The following ZNF75D variants were observed in gnomAD, a reference collection of about 807,000 sequenced individuals.
ZNF75D encodes zinc finger protein 75.
A neutral mutation model predicts 33.3 loss-of-function variants in ZNF75D; 33 were observed. The ratio of observed to expected loss-of-function variants is 0.99; its 90% CI spans 0.75 to 1.32. ZNF75D has a LOEUF of 1.32. ZNF75D is among the 40% of genes most tolerant of loss of function. The pLI is 0.00. For missense variants in ZNF75D, 338 were observed against 367.5 expected, an observed-to-expected ratio of 0.92 and a Z score of 0.66; for synonymous variants, 113 against 130.6, an observed-to-expected ratio of 0.87 and a Z score of 0.92.
At chrX:135,310,073 C>T (rs2084341135) in intron 1 of ZNF75D, among the ~76,000 whole-genome samples, 1 of 112,188 alleles carries the variant, frequency 8.9e-6, no homozygotes, top group Non-Finnish European at 1.9e-5. Context: ...AATGCCTGTC[C>T]TAATGAAAAG....
chrX:135,283,252 C>T (rs2083927372), downstream of ZNF75D, among the ~76,000 whole-genome samples: 1 of 111,969 alleles, frequency 8.9e-6, no homozygotes, highest in Non-Finnish European at 1.9e-5. Context: ...TCCCTGGCTT[C>T]CTGTCCCTTC....
chrX:135,300,777 C>T (rs1055224413), intron 1 of ZNF75D, among the ~76,000 whole-genome samples: 1 of 109,168 alleles, frequency 9.2e-6, no homozygotes, highest in Non-Finnish European at 1.9e-5. Context: ...CACAATTTAT[C>T]CATTTAGAAA....
chrX:135,296,359 T>C (rs183556781), intron 1 of ZNF75D, among the ~76,000 whole-genome samples: 78 of 112,013 alleles, frequency 7.0e-4, no homozygotes, highest in African/African-American at 2.2e-3. Context: ...GTATTGTGCA[T>C]CCAGATTGTT....
intron 1 of ZNF75D, among the ~76,000 whole-genome samples, chrX:135,277,106 C>A (rs1410650791): frequency 8.9e-6 from 1 of 112,307 alleles, no homozygotes; most frequent in East Asian, 2.8e-4. Flanking sequence ...ACACTCCCAC[C>A]AACAGTGTAA....
chrX:135,284,719 C>T (rs782259419), downstream of ZNF75D, among the ~76,000 whole-genome samples: 1 of 111,703 alleles, frequency 9.0e-6, no homozygotes, highest in Admixed American at 9.5e-5. Flanking sequence ...GATAATGATG[C>T]CAGTGTAGAT....
At chrX:135,304,456 G>A (rs2084259448) in intron 1 of ZNF75D, among the ~76,000 whole-genome samples, 1 of 111,538 alleles carries the variant, frequency 9.0e-6, no homozygotes, top group African/African-American at 3.3e-5. Context: ...TGCAACTTGG[G>A]CCCCTGTAGC....
chrX:135,290,981 C>T, intron 6 of ZNF75D, 28 bp downstream of exon 6: 1 of 1,195,261 alleles, frequency 8.4e-7, no homozygotes. Context: ...TACTTAACTT[C>T]TACACAATGG....
chrX:135,268,927 A>T (rs2083872379), intron 1 of ZNF75D, among the ~76,000 whole-genome samples: 1 of 111,227 alleles, frequency 9.0e-6, no homozygotes, highest in South Asian at 3.8e-4. Context: ...AGAACAGGGA[A>T]CACAGAAGAA....
intron 1 of ZNF75D, among the ~76,000 whole-genome samples, chrX:135,332,083 G>A (rs1192402030): frequency 1.5e-4 from 17 of 111,079 alleles, no homozygotes; most frequent in African/African-American, 5.3e-4. Flanking sequence ...CAGTGGCTGC[G>A]AGGAGGAGAA....
intron 1 of ZNF75D, among the ~76,000 whole-genome samples, chrX:135,312,211 C>T (rs782742499): frequency 3.0e-4 from 34 of 111,527 alleles, no homozygotes; most frequent in African/African-American, 1.1e-3. Flanking sequence ...ATGAGATCAA[C>T]GTTTTTAGCT....
chrX:135,319,940 A>G (rs926089584), intron 1 of ZNF75D, among the ~76,000 whole-genome samples: 14 of 112,741 alleles, frequency 1.2e-4, no homozygotes, highest in African/African-American at 4.5e-4. Context: ...TGCAATTTCC[A>G]AACAGACATT....
At chrX:135,328,600 T>C (rs1057493440) in intron 1 of ZNF75D, among the ~76,000 whole-genome samples, 5 of 111,667 alleles carry the variant, frequency 4.5e-5, no homozygotes, top group South Asian at 3.8e-4. Context: ...GGGTGAGTAA[T>C]GTTCGTATTG....
At chrX:135,262,198 C>T (rs1022722576) in intron 1 of ZNF75D, among the ~76,000 whole-genome samples, 3 of 111,832 alleles carry the variant, frequency 2.7e-5, no homozygotes, top group East Asian at 2.8e-4. Context: ...GTGGGCAACC[C>T]GACCTTTCTC....
At chrX:135,271,940 T>A (rs1335129789) in intron 1 of ZNF75D, among the ~76,000 whole-genome samples, 1 of 111,328 alleles carries the variant, frequency 9.0e-6, no homozygotes, top group Non-Finnish European at 1.9e-5. Flanking sequence ...GTTGTTGTTT[T>A]GTTTTTAATC....
At chrX:135,318,379 TTCTC>T (rs1556432690) in intron 1 of ZNF75D, among the ~76,000 whole-genome samples, 1 of 110,546 alleles carries the variant, frequency 9.0e-6, no homozygotes, top group African/African-American at 3.3e-5. Context: ...TTCTTTTCCT[TTCTC>T]TACTAAGCCT....
At chrX:135,279,550 G>C (rs2083912422) in intron 1 of ZNF75D, among the ~76,000 whole-genome samples, 1 of 111,096 alleles carries the variant, frequency 9.0e-6, no homozygotes, top group South Asian at 3.7e-4. Context: ...GTTTGCTCTT[G>C]CTTCTCTAGT....
chrX:135,285,111 T>C (rs1287762525), downstream of ZNF75D, among the ~76,000 whole-genome samples: 1 of 111,496 alleles, frequency 9.0e-6, no homozygotes, highest in Admixed American at 9.5e-5. Context: ...TTTGGGAATA[T>C]GAGATCCTTT....
chrX:135,322,890 A>C (rs2084514558), intron 1 of ZNF75D, among the ~76,000 whole-genome samples: 1 of 112,086 alleles, frequency 8.9e-6, no homozygotes. Context: ...AACTGCCCTA[A>C]GAGTATAGGG....
intron 1 of ZNF75D, among the ~76,000 whole-genome samples, chrX:135,275,602 T>G (rs1274477124): frequency 9.0e-6 from 1 of 111,031 alleles, no homozygotes; most frequent in African/African-American, 3.3e-5. Flanking sequence ...TTGCTGTTTA[T>G]TTTCCTCTGG....
Sources: allele counts gnomAD v4.1 joint callset (sites outside exome capture counted in the v4.1 genomes callset), GRCh38; gene constraint gnomAD v4.1.1; transcripts MANE v1.5; gene names NCBI Gene and HGNC (gene_info 2026-07-23, HGNC 2026-07-21).